Variants in AZIN1 observed in about 807,000 individuals in gnomAD.
AZIN1 encodes the protein antizyme inhibitor 1.
A neutral mutation model predicts 47.4 loss-of-function variants in AZIN1; 12 were observed. The observed-to-expected ratio is 0.25, with a 90% CI of 0.16 to 0.41. The LOEUF (loss-of-function observed/expected upper bound fraction) is 0.41, where lower values mean the gene tolerates loss of function less well. Among genes scored for constraint, AZIN1 ranks in the 10% least tolerant of loss-of-function variants. The pLI, the probability that AZIN1 is intolerant of heterozygous loss-of-function variation, is 1.00. For synonymous variants in AZIN1, 155 were observed against 176.3 expected, an observed-to-expected ratio of 0.88 and a Z score of 0.96; for missense variants, 410 against 532.4, an observed-to-expected ratio of 0.77 and a Z score of 2.26.
intron 9 of AZIN1, 33 bp downstream of exon 9, chr8:102,833,023 A>T (rs778518219): frequency 1.3e-6 from 2 of 1,551,788 alleles, no homozygotes; most frequent in East Asian, 4.5e-5. Context: ...ATTATCTACC[A>T]ACAAAAATAA....
chr8:102,832,368 C>T (rs562477610), intron 9 of AZIN1, among the ~76,000 whole-genome samples: 3 of 152,158 alleles, frequency 2.0e-5, no homozygotes, highest in East Asian at 3.9e-4. Flanking sequence ...CAATATTAGC[C>T]AACAAGATGG....
chr8:102,838,992 A>AC (rs1196271541), intron 4 of AZIN1, 76 bp from the exon 5 acceptor site: 2 of 1,299,224 alleles, frequency 1.5e-6, no homozygotes, highest in Non-Finnish European at 2.1e-6. Flanking sequence ...TAATACTATT[A>AC]CCCCCACCCC....
chr8:102,841,803 T>TAA (rs1280642913), intron 3 of AZIN1, among the ~76,000 whole-genome samples: 2,661 of 122,700 alleles, frequency 0.022, 68 homozygotes, highest in African/African-American at 0.08. Flanking sequence ...TATATATATA[T>TAA]ATAAAAAAAA....
At chr8:102,842,431 C>T (rs1281202515) in intron 3 of AZIN1, among the ~76,000 whole-genome samples, 3 of 151,828 alleles carry the variant, frequency 2.0e-5, no homozygotes, top group Non-Finnish European at 4.4e-5. Flanking sequence ...TTAGGCCAGG[C>T]GCAGTGGCTC....
chr8:102,848,744 TTAATA>T (rs1812741371), intron 2 of AZIN1, among the ~76,000 whole-genome samples: 2 of 152,316 alleles, frequency 1.3e-5, no homozygotes, highest in African/African-American at 4.8e-5. Flanking sequence ...TGCAGTTTTC[TTAATA>T]TATTAGCAAA....
Position 102,827,284 on chromosome 8 carries a change from T to G in AZIN1, c.*1283A>C, listed in dbSNP as rs1290288169. The G allele has an allele frequency of 1.3e-5, 2 of 152,238 alleles. No individual in the cohort carries two copies. Among genetic ancestry groups the G allele is most frequent in the Non-Finnish European group, 2.9e-5 (2 of 68,006 alleles). The allele number at this position is 152,238 out of a possible 1,614,324, so 9.4% of individuals were successfully genotyped here. ...ATATACTAGCAGTAAACAAAGCAAA[T>G]TCCTGGCAACAACTGTCAGGTTAGT... On this transcript the variant is annotated 3_prime_UTR_variant, in exon 12 of 12. Coordinates refer to ENST00000337198, the MANE Select transcript of AZIN1 (RefSeq NM_148174.4).
At chr8:102,843,276 G>C (rs148825287) in intron 3 of AZIN1, among the ~76,000 whole-genome samples, 1,627 of 151,998 alleles carry the variant, frequency 0.011, 30 homozygotes, top group African/African-American at 0.037. Flanking sequence ...AGGTTGGCTG[G>C]CATCACATCA....
intron 2 of AZIN1, among the ~76,000 whole-genome samples, chr8:102,848,961 G>C (rs762676096): frequency 1.3e-5 from 2 of 152,148 alleles, no homozygotes; most frequent in African/African-American, 4.8e-5. Flanking sequence ...TGTTTCGGGG[G>C]TGAGCAGTTT....
chr8:102,834,403 C>T (rs1811684708), intron 7 of AZIN1, 140 bp from the exon 8 acceptor site: 2 of 678,850 alleles, frequency 2.9e-6, no homozygotes, highest in Non-Finnish European at 4.9e-6. Context: ...CTGATAGAAA[C>T]AGATTATTCA....
intron 11 of AZIN1, 35 bp downstream of exon 11, chr8:102,829,237 A>G: frequency 6.4e-7 from 1 of 1,557,214 alleles, no homozygotes. Context: ...GGACAGTTCA[A>G]ATATCCCATC....
At chr8:102,848,957 G>C (rs993897979) in intron 2 of AZIN1, among the ~76,000 whole-genome samples, 1 of 152,060 alleles carries the variant, frequency 6.6e-6, no homozygotes, top group South Asian at 2.1e-4. Flanking sequence ...TGCATGTTTC[G>C]GGGGTGAGCA....
chr8:102,857,082 AG>A (rs750062782), intron 2 of AZIN1, among the ~76,000 whole-genome samples: 1 of 152,254 alleles, frequency 6.6e-6, no homozygotes, highest in Non-Finnish European at 1.5e-5. Flanking sequence ...AAGCCAGTAT[AG>A]GAAACCCTCT....
At chr8:102,838,542 T>A (rs1218050427) in intron 5 of AZIN1, among the ~76,000 whole-genome samples, 4 of 152,214 alleles carry the variant, frequency 2.6e-5, no homozygotes, top group African/African-American at 9.6e-5. Context: ...CTTATTTTTT[T>A]AAATTCCAAT....
rs543474755 is a variant in AZIN1 at position 102,847,665 on chromosome 8, C to T, written c.-95-3918G>A. On this transcript the variant is annotated intron_variant, in intron 2 of 11. Coordinates refer to ENST00000337198, the MANE Select transcript of AZIN1 (RefSeq NM_148174.4). The stretch of plus-strand genomic sequence containing the variant: ...CCGAAGCCTCAACCACTCAGGCGAT[C>T]CTCCCACCACAGCCTTCAGTCCCAC... Among the ~76,000 whole-genome samples the T allele has an allele frequency of 1.1e-3, 172 of 151,976 alleles. 1 individual carries two copies. The highest frequency in any genetic ancestry group is 3.9e-3 in the African/African-American group (161 of 41,424).
intron 2 of AZIN1, among the ~76,000 whole-genome samples, chr8:102,857,605 G>GAT (rs753787347): frequency 4.0e-5 from 6 of 151,604 alleles, no homozygotes; most frequent in African/African-American, 7.3e-5. Flanking sequence ...TATAAATTGA[G>GAT]ATATATATAT....
rs146904341 is a variant in AZIN1 at position 102,858,864 on chromosome 8, G to A, written c.-233-714C>T. On this transcript the variant is annotated intron_variant, in intron 1 of 11. Transcript: ENST00000337198. ...AAGTGCACAGCACACTATACAACATGGTAGGTGAGTTTTAGACATTGTTAC... is the reference window on the plus strand; with the variant it reads ...AAGTGCACAGCACACTATACAACATAGTAGGTGAGTTTTAGACATTGTTAC... 5.3e-3 allele frequency among the ~76,000 whole-genome samples: 800 copies of A among 152,268 alleles called. 6 individuals carry two copies. Among genetic ancestry groups the A allele is most frequent in the Middle Eastern group, 0.041 (12 of 294 alleles).
intron 6 of AZIN1, chr8:102,835,358 T>C (rs1224652554): frequency 6.6e-6 from 1 of 152,366 alleles, no homozygotes; most frequent in East Asian, 1.9e-4. Context: ...ACTTCATTAA[T>C]TTTTATGTTG....
chr8:102,863,478 C>T (rs1240330288), intron 1 of AZIN1, among the ~76,000 whole-genome samples: 1 of 151,564 alleles, frequency 6.6e-6, no homozygotes, highest in Non-Finnish European at 1.5e-5. Context: ...GGCCGCACGC[C>T]GCCAGGAGGG....
intron 3 of AZIN1, among the ~76,000 whole-genome samples, chr8:102,841,791 A>AATAT (rs1208641693): frequency 1.4e-5 from 2 of 138,188 alleles, no homozygotes; most frequent in African/African-American, 2.7e-5. Context: ...AGTTAAGTCT[A>AATAT]ATATATATAT....
Sources: allele counts gnomAD v4.1 joint callset (sites outside exome capture counted in the v4.1 genomes callset), GRCh38; gene constraint gnomAD v4.1.1; transcripts MANE v1.5; gene names NCBI Gene and HGNC (gene_info 2026-07-23, HGNC 2026-07-21).